The following MTR variants were observed in gnomAD, a reference collection of about 807,000 sequenced individuals.
MTR encodes methionine synthase.
In MTR, 84 loss-of-function variants were observed where a neutral mutation model predicts 154.8. That is an observed-to-expected ratio of 0.54 (90% CI 0.45 to 0.65). MTR has a LOEUF of 0.65. Ranked by LOEUF, MTR falls within the 30% of genes least tolerant of loss-of-function variation. The pLI is 0.00. For missense variants in MTR, 1,275 were observed against 1,570.2 expected (o/e 0.81, Z 3.18); for synonymous variants, 554 against 553.9 (o/e 1.00, Z 0.00).
intron 8 of MTR, among the ~76,000 whole-genome samples, chr1:236,823,243 T>C (rs1662080416): frequency 6.6e-6 from 1 of 152,216 alleles, no homozygotes; most frequent in Admixed American, 6.5e-5. Flanking sequence ...AGAAGTGTTT[T>C]TGGATTGCAG....
At position 236,891,276 on chromosome 1, in the gene MTR, G is replaced by T; in HGVS notation, c.3151G>T (p.Ala1051Ser). Residue 1051 changes from alanine (A) to serine (S), a missense_variant, in exon 29 of 33, where the codon GCT (alanine) becomes TCT (serine). Ala to Ser is a moderately conservative substitution (Grantham distance 99). Coordinates refer to ENST00000366577, the MANE Select transcript of MTR (RefSeq NM_000254.3). ...QDDIHLYAEA[A>S]VPQAAEPIAT... Reference sequence around the variant, plus strand: ...CGACATTCACCTGTACGCAGAGGCTGCTGTGCCCCAGGCTGCAGAGCCCAT... The same window carrying T: ...CGACATTCACCTGTACGCAGAGGCTTCTGTGCCCCAGGCTGCAGAGCCCAT... 1 of 1,614,176 alleles carries T rather than the reference G, an allele frequency of 6.2e-7. No individual in the cohort carries two copies. The highest frequency in any genetic ancestry group is 1.7e-5 in the Admixed American group (1 of 60,014).
intron 25 of MTR, among the ~76,000 whole-genome samples, chr1:236,883,114 A>G (rs1363663390): frequency 6.6e-6 from 1 of 152,236 alleles, no homozygotes; most frequent in African/African-American, 2.4e-5. Flanking sequence ...CGAGGTGCCA[A>G]TATTTTATTC....
chr1:236,868,957 A>T (rs760942021), intron 22 of MTR, among the ~76,000 whole-genome samples: 45 of 152,276 alleles, frequency 3.0e-4, no homozygotes, highest in Non-Finnish European at 6.2e-4. Flanking sequence ...TATTTTTTTT[A>T]AAAAGTAATG....
intron 15 of MTR, among the ~76,000 whole-genome samples, chr1:236,840,001 C>G (rs1663138040): frequency 6.6e-6 from 1 of 152,088 alleles, no homozygotes; most frequent in African/African-American, 2.4e-5. Context: ...TGGTTGTCAA[C>G]TGGGTGGGGT....
intron 22 of MTR, among the ~76,000 whole-genome samples, chr1:236,866,257 A>G (rs1016536247): frequency 6.6e-5 from 10 of 152,186 alleles, no homozygotes; most frequent in Admixed American, 4.6e-4. Flanking sequence ...CCTAATTCTC[A>G]CAATATTTCA....
At chr1:236,869,212 C>CT (rs1328560309) in intron 22 of MTR, among the ~76,000 whole-genome samples, 1 of 152,204 alleles carries the variant, frequency 6.6e-6, no homozygotes, top group African/African-American at 2.4e-5. Context: ...ACGAAAAGGA[C>CT]TTTTTGTCTT....
Position 236,897,103 on chromosome 1 carries a change from G to T in MTR, c.3696G>T (p.Lys1232Asn). 1 of 1,612,178 alleles carries T rather than the reference G, an allele frequency of 6.2e-7. No individual in the cohort carries two copies. Among genetic ancestry groups the T allele is most frequent in the Non-Finnish European group, 8.5e-7 (1 of 1,178,228 alleles). The change falls in exon 32 of 33, where the codon AAG (lysine) becomes AAT (asparagine). Residue 1232 changes from lysine (K) to asparagine (N), a missense_variant. Physicochemically the swap from Lys to Asn is moderately conservative, Grantham distance 94 (BLOSUM62 0). Transcript: ENST00000366577. Reference sequence around the variant, plus strand: ...AGTCCAAATATTTTGCTGTGGGGAAGATTTCCAAGGATCAGGTAAGCTAGC... The same window carrying T: ...AGTCCAAATATTTTGCTGTGGGGAATATTTCCAAGGATCAGGTAAGCTAGC... ...NLKSKYFAVGKISKDQVEDYA... is the reference protein window; with the variant it reads ...NLKSKYFAVGNISKDQVEDYA...
At chr1:236,800,510 C>T (rs960402414) in intron 1 of MTR, 1 of 975,272 alleles carries the variant, frequency 1.0e-6, no homozygotes, top group African/African-American at 1.8e-5. Flanking sequence ...CTTCTCATTC[C>T]TCCTGTGAAA....
At position 236,895,510 on chromosome 1, in the gene MTR, G is replaced by A; in HGVS notation, c.3558G>A (p.Lys1186=). 1 of 1,592,704 alleles carries A rather than the reference G, an allele frequency of 6.3e-7. No homozygotes were observed. Among genetic ancestry groups the A allele is most frequent in the South Asian group, 1.1e-5 (1 of 87,516 alleles). ...GYPSQPDHTE[K]LTMWRLADIE... ...CCAGCCAGCCCGACCACACCGAGAAGCTCACCATGTGGAGACTCGCAGACA... is the reference window on the plus strand; with the variant it reads ...CCAGCCAGCCCGACCACACCGAGAAACTCACCATGTGGAGACTCGCAGACA... Residue 1186 remains lysine, a synonymous_variant, in exon 31 of 33, where the codon AAG becomes AAA. Transcript: ENST00000366577.
chr1:236,890,508 C>CCTTAT (rs1666257074), intron 28 of MTR, among the ~76,000 whole-genome samples: 1 of 152,130 alleles, frequency 6.6e-6, no homozygotes, highest in African/African-American at 2.4e-5. Flanking sequence ...GGGGCCTGTG[C>CCTTAT]CTTATATTCA....
In MTR at chr1:236,897,312, A is replaced by ACGCGCGCG. The variant is rs1034067394; in HGVS notation, c.3711+195_3711+196insGCGCGCGC. Among the ~76,000 whole-genome samples the ACGCGCGCG allele has an allele frequency of 5.4e-3, 357 of 66,232 alleles. 1 individual carries two copies. The highest frequency in any genetic ancestry group is 0.017 in the African/African-American group (340 of 19,642). The allele number at this position is 66,232 out of a possible 152,430, so 43.5% of individuals were successfully genotyped here. A position where few individuals can be genotyped will look rare whatever the true frequency, so the allele number is the denominator to read the frequency against. ...TTCTACATGCAAGCCACACACACGCACACACACACACACACACACACACAC... is the reference window on the plus strand; with the variant it reads ...TTCTACATGCAAGCCACACACACGCACGCGCGCGCACACACACACACACACACACACAC... On this transcript the variant is annotated intron_variant, in intron 32 of 32. Transcript: ENST00000366577.
intron 15 of MTR, among the ~76,000 whole-genome samples, chr1:236,844,992 TTGGAGGTGATTCTCA>T (rs1663485812): frequency 6.6e-6 from 1 of 152,186 alleles, no homozygotes; most frequent in Admixed American, 6.5e-5. Context: ...TTTTAAAGCC[TTGGAGGTGATTCTCA>T]TGTATCTTTT....
Position 236,880,756 on chromosome 1 carries a change from AC to A in MTR, c.2599del (p.His867ThrfsTer6). The A allele has an allele frequency of 1.2e-6, 2 of 1,613,970 alleles. No homozygotes were observed. Among genetic ancestry groups the A allele is most frequent in the Non-Finnish European group, 1.7e-6 (2 of 1,179,858 alleles). Reference protein sequence around the residue: ...LLIGGATTSKTHTAVKIAPRY... With the variant: ...LLIGGATTSKXHTAVKIAPRY... The stretch of plus-strand genomic sequence containing the variant: ...TTTCTTTCTGACCCTTCTTTTTAGA[AC>A]CCACACAGCAGTTAAAATAGCTCCG... On this transcript the variant is annotated frameshift_variant and splice_region_variant, in exon 25 of 33. Coordinates refer to ENST00000366577, the MANE Select transcript of MTR (RefSeq NM_000254.3). LOFTEE classifies it high-confidence loss of function.
At chr1:236,821,385 C>T (rs1170645583) in intron 8 of MTR, among the ~76,000 whole-genome samples, 1 of 152,236 alleles carries the variant, frequency 6.6e-6, no homozygotes, top group African/African-American at 2.4e-5. Flanking sequence ...AAAGGCCCCA[C>T]CTTCCAACGC....
Position 236,812,804 on chromosome 1 carries a change from T to C in MTR, c.569T>C (p.Ile190Thr). ...AKGLLDGGVD[I>T]LLIETIFDTA... ...GGACTTCTGGATGGCGGGGTTGATATCTTACTCATTGAAACTATTTTTGAT... is the reference window on the plus strand; with the variant it reads ...GGACTTCTGGATGGCGGGGTTGATACCTTACTCATTGAAACTATTTTTGAT... Residue 190 changes from isoleucine to threonine, a missense_variant, in exon 6 of 33, where the codon ATC becomes ACC. Coordinates refer to ENST00000366577, the MANE Select transcript of MTR (RefSeq NM_000254.3). 13 of 1,614,110 alleles carry C rather than the reference T, an allele frequency of 8.1e-6. No individual in the cohort carries two copies. The highest frequency in any genetic ancestry group is 2.2e-5 in the East Asian group (1 of 44,880).
chr1:236,843,775 T>C (rs750287397), intron 15 of MTR, among the ~76,000 whole-genome samples: 1 of 152,180 alleles, frequency 6.6e-6, no homozygotes, highest in Non-Finnish European at 1.5e-5. Context: ...AACTTTAGAA[T>C]CTGTTGGCTT....
At chr1:236,808,675 C>T in intron 3 of MTR, 29 bp from the exon 4 acceptor site, 1 of 1,609,930 alleles carries the variant, frequency 6.2e-7, no homozygotes, top group Non-Finnish European at 8.5e-7. Flanking sequence ...AAAAGAAGGA[C>T]AAGCTAACGT....
chr1:236,863,475 G>A lies in MTR; in HGVS notation c.2326G>A (p.Val776Met), dbSNP rs542575330. ...CCAGGACCCTTACCAGGGCACCATC[G>A]TGCTGGCCACTGTTAAAGGCGACGT... ...EEEDPYQGTI[V>M]LATVKGDVHD... Residue 776 changes from valine (V) to methionine (M), a missense_variant, in exon 22 of 33, where the codon GTG (valine) becomes ATG (methionine). Physicochemically the swap from Val to Met is conservative, Grantham distance 21. Transcript: ENST00000366577. 12 of 1,613,840 alleles carry A rather than the reference G, an allele frequency of 7.4e-6. No individual in the cohort carries two copies. In the African/African-American group the frequency reaches 9.3e-5, roughly 13 times the overall value.
intron 30 of MTR, 99 bp downstream of exon 30, chr1:236,894,656 G>T: frequency 1.5e-5 from 16 of 1,094,828 alleles, no homozygotes; most frequent in East Asian, 2.5e-5. Context: ...TAGAACCAGT[G>T]TCTTTTTTTT....
Sources: gnomAD v4.1 joint callset for allele counts (sites outside exome capture counted in the v4.1 genomes callset) on GRCh38, gnomAD v4.1.1 for gene constraint, MANE v1.5 for transcripts, NCBI Gene and HGNC (gene_info 2026-07-23, HGNC 2026-07-21) for gene names.